The following ADGRB3 variants were observed in gnomAD, a reference collection of about 807,000 sequenced individuals.
The protein encoded by ADGRB3 is brain-specific angiogenesis inhibitor 3.
ADGRB3 carries 37 observed loss-of-function variants against 193.4 expected under a neutral mutation model. The ratio of observed to expected loss-of-function variants is 0.19; its 90% CI spans 0.15 to 0.25. The LOEUF is 0.25. Among genes scored for constraint, ADGRB3 ranks in the 10% least tolerant of loss-of-function variants. The pLI, the probability that ADGRB3 is intolerant of heterozygous loss-of-function variation, is 1.00. For synonymous variants in ADGRB3, 690 were observed against 644.2 expected (o/e 1.07, Z -1.08); for missense variants, 1,637 against 1,852.9 (o/e 0.88, Z 2.14).
chr6:68,688,384 A>G (rs757898391), intron 3 of ADGRB3, among the ~76,000 whole-genome samples: 29 of 152,100 alleles, frequency 1.9e-4, no homozygotes, highest in Non-Finnish European at 4.1e-4. Flanking sequence ...TAAATATTCT[A>G]TATTCTAAGA....
chr6:68,778,125 G>A (rs1033543851), intron 3 of ADGRB3, among the ~76,000 whole-genome samples: 1 of 152,050 alleles, frequency 6.6e-6, no homozygotes, highest in Non-Finnish European at 1.5e-5. Context: ...TATTTCATTA[G>A]CATCACTTTC....
intron 3 of ADGRB3, among the ~76,000 whole-genome samples, chr6:68,851,670 C>G (rs525874): frequency 2.0e-5 from 3 of 151,722 alleles, no homozygotes; most frequent in African/African-American, 7.2e-5. Context: ...ATGTACAAGT[C>G]TTATTTGTAA....
Position 69,388,736 on chromosome 6 carries a change from A to G in ADGRB3, c.4414A>G (p.Thr1472Ala), listed in dbSNP as rs528436643. Residue 1472 changes from threonine to alanine, a missense_variant, in exon 32 of 32, where the codon ACT (threonine) becomes GCT (alanine). This residue lies in a region of ADGRB3 where 368 missense variants were observed against 367.4 expected (regional missense o/e 1.00). Coordinates refer to ENST00000370598, the MANE Select transcript of ADGRB3 (RefSeq NM_001704.3). ...NPAPNKNPWD[T>A]FKNPSEYPHY... ...CGCACCAAACAAGAATCCATGGGAC[A>G]CTTTCAAAAACCCCAGTGAATACCC... 1.2e-6 allele frequency: 2 copies of G among 1,613,386 alleles called. No homozygotes were observed. Among genetic ancestry groups the G allele is most frequent in the East Asian group, 2.2e-5 (1 of 44,830 alleles).
intron 8 of ADGRB3, among the ~76,000 whole-genome samples, chr6:68,970,069 C>T (rs12525831): frequency 6.6e-6 from 1 of 152,106 alleles, no homozygotes; most frequent in Non-Finnish European, 1.5e-5. Context: ...ATTGTTTCCT[C>T]TGCCTGGAGC....
chr6:69,123,801 G>A (rs1773782533), intron 17 of ADGRB3, among the ~76,000 whole-genome samples: 1 of 152,060 alleles, frequency 6.6e-6, no homozygotes, highest in African/African-American at 2.4e-5. Context: ...GGAGTAGGGT[G>A]GTCAATGTGA....
At chr6:68,994,050 C>A in intron 11 of ADGRB3, 88 bp downstream of exon 11, 6 of 1,288,248 alleles carry the variant, frequency 4.7e-6, no homozygotes, top group Non-Finnish European at 6.5e-6. Context: ...GTCTTGGAGG[C>A]GGACTGGAGG....
intron 3 of ADGRB3, among the ~76,000 whole-genome samples, chr6:68,641,754 C>A (rs1768086997): frequency 6.6e-6 from 1 of 152,044 alleles, no homozygotes; most frequent in African/African-American, 2.4e-5. Flanking sequence ...TAAATAATCT[C>A]TTTTTGGCTA....
intron 13 of ADGRB3, among the ~76,000 whole-genome samples, chr6:69,028,299 A>C (rs1770498446): frequency 6.6e-6 from 1 of 152,178 alleles, no homozygotes; most frequent in South Asian, 2.1e-4. Flanking sequence ...GCAAGAAACT[A>C]GTCAGCTCCA....
intron 30 of ADGRB3, among the ~76,000 whole-genome samples, chr6:69,373,939 G>A (rs1769759411): frequency 6.6e-6 from 1 of 152,010 alleles, no homozygotes; most frequent in Non-Finnish European, 1.5e-5. Flanking sequence ...TAGAAAAACT[G>A]TTCTTTTTTC....
At chr6:69,319,752 A>G (rs1252654655) in intron 20 of ADGRB3, among the ~76,000 whole-genome samples, 2 of 151,392 alleles carry the variant, frequency 1.3e-5, no homozygotes, top group Non-Finnish European at 3.0e-5. Context: ...TTTACATGTT[A>G]GTATTTGCAT....
At chr6:69,283,643 GA>G (rs1030418823) in intron 20 of ADGRB3, among the ~76,000 whole-genome samples, 15 of 144,972 alleles carry the variant, frequency 1.0e-4, no homozygotes, top group South Asian at 4.4e-4. Flanking sequence ...TTGGCTTATG[GA>G]AAAAAAAAAG....
chr6:68,913,871 A>G (rs1389123878), intron 3 of ADGRB3, among the ~76,000 whole-genome samples: 2 of 152,160 alleles, frequency 1.3e-5, no homozygotes, highest in African/African-American at 4.8e-5. Context: ...GCTGAAAGCC[A>G]AGGCTCAAGA....
chr6:69,258,481 G>A (rs1310422933), intron 20 of ADGRB3, among the ~76,000 whole-genome samples: 1 of 152,212 alleles, frequency 6.6e-6, no homozygotes, highest in African/African-American at 2.4e-5. Context: ...ACTAGATACA[G>A]TTAATGCATT....
At chr6:69,202,808 G>C (rs928510787) in intron 17 of ADGRB3, among the ~76,000 whole-genome samples, 2 of 152,070 alleles carry the variant, frequency 1.3e-5, no homozygotes, top group Non-Finnish European at 2.9e-5. Context: ...AGTACCTACT[G>C]GCTTCAACTT....
In ADGRB3 at chr6:68,974,749, G is replaced by T; in HGVS notation, c.1526-14G>T. 6.2e-7 allele frequency: 1 copy of T among 1,611,636 alleles called. No homozygotes were observed. Among genetic ancestry groups the T allele is most frequent in the Non-Finnish European group, 8.5e-7 (1 of 1,178,258 alleles). On this transcript the variant is annotated splice_polypyrimidine_tract_variant and intron_variant, in intron 8 of 31. Transcript: ENST00000370598. ...ACACTACTGACATTCAAGTCCCTTT[G>T]TTTAAAATTGCAGCACCTTATGAAA...
At chr6:68,976,959 T>A (rs1768767806) in intron 10 of ADGRB3, among the ~76,000 whole-genome samples, 1 of 150,136 alleles carries the variant, frequency 6.7e-6, no homozygotes, top group Non-Finnish European at 1.5e-5. Flanking sequence ...TATATTTTTT[T>A]ATATTTATCA....
chr6:69,010,722 A>G (rs747540477), intron 11 of ADGRB3, among the ~76,000 whole-genome samples: 2 of 151,276 alleles, frequency 1.3e-5, no homozygotes, highest in Non-Finnish European at 2.9e-5. Flanking sequence ...AGATTCTGCC[A>G]AGGACACTCA....
intron 6 of ADGRB3, among the ~76,000 whole-genome samples, chr6:68,953,587 C>T (rs1168416821): frequency 1.3e-5 from 2 of 152,116 alleles, no homozygotes; most frequent in Non-Finnish European, 2.9e-5. Context: ...TATCCTATTG[C>T]TTCACTAGAA....
At chr6:68,646,277 C>T (rs1309044581) in intron 3 of ADGRB3, among the ~76,000 whole-genome samples, 1 of 151,374 alleles carries the variant, frequency 6.6e-6, no homozygotes, top group Non-Finnish European at 1.5e-5. Flanking sequence ...AGGAGTTTGG[C>T]ACCAGCCTGG....
Sources: gnomAD v4.1 joint callset for allele counts (sites outside exome capture counted in the v4.1 genomes callset) on GRCh38, gnomAD v4.1.1 for gene constraint, gnomAD v4.1.1 regional missense constraint, MANE v1.5 for transcripts, NCBI Gene and HGNC (gene_info 2026-07-23, HGNC 2026-07-21) for gene names.